The following ASNSD1 variants were observed in gnomAD, a reference collection of about 807,000 sequenced individuals.
ASNSD1 encodes asparagine synthetase domain-containing protein 1.
A neutral mutation model predicts 48.3 loss-of-function variants in ASNSD1; 36 were observed. The ratio of observed to expected loss-of-function variants is 0.75; its 90% CI spans 0.57 to 0.99. The LOEUF is 0.99. Among genes scored for constraint, ASNSD1 ranks in the 50% least tolerant of loss-of-function variants. The probability of loss-of-function intolerance (pLI) is 0.00; values close to 1 mark genes in which losing one functional copy is unlikely to be tolerated. For missense variants in ASNSD1, 714 were observed against 758.2 expected (o/e 0.94, Z 0.69); for synonymous variants, 257 against 262.1 (o/e 0.98, Z 0.19).
Position 189,663,896 on chromosome 2 carries a change from A to G in ASNSD1, c.-222-5A>G, listed in dbSNP as rs759880225. Reference sequence around the variant, plus strand: ...GACTTAAGGAGTTTTTCTTTATTTCAATAGATTAAAGAACAAAAAATTGTG... The same window carrying G: ...GACTTAAGGAGTTTTTCTTTATTTCGATAGATTAAAGAACAAAAAATTGTG... On this transcript the variant is annotated splice_polypyrimidine_tract_variant and splice_region_variant and intron_variant, in intron 1 of 5. Transcript: ENST00000260952. The G allele has an allele frequency of 2.6e-6, 1 of 387,366 alleles. No individual in the cohort carries two copies. The highest frequency in any genetic ancestry group is 1.3e-4 in the South Asian group (1 of 7,718). The allele number at this position is 387,366 out of a possible 1,614,324, so 24.0% of individuals were successfully genotyped here.
At chr2:189,668,510 A>T (rs1168301680) in intron 5 of ASNSD1, among the ~76,000 whole-genome samples, 2 of 4,466 alleles carry the variant, frequency 4.5e-4, no homozygotes, top group East Asian at 0.042. Context: ...CTCTGTTTCC[A>T]CAAAAAAACA....
rs1277085447 is a variant in ASNSD1 at position 189,670,432 on chromosome 2, C to T, written c.1647-9C>T. 6.3e-7 allele frequency: 1 copy of T among 1,597,778 alleles called. No individual in the cohort carries two copies. The highest frequency in any genetic ancestry group is 1.1e-5 in the South Asian group (1 of 89,636). The stretch of plus-strand genomic sequence containing the variant: ...TTTACATAGTGGTTATATTATCTGT[C>T]TATTTTAGATTTCCTTTCCTGGATG... On this transcript the variant is annotated splice_polypyrimidine_tract_variant and intron_variant, in intron 5 of 5. Transcript: ENST00000260952.
At chr2:189,665,604 A>G (rs1305448402) in intron 3 of ASNSD1, among the ~76,000 whole-genome samples, 153 bp downstream of exon 3, 1,850 of 8,094 alleles carry the variant, frequency 0.23, 108 homozygotes, top group Non-Finnish European at 0.37. Flanking sequence ...ATGTGTATAT[A>G]TATATATATA....
chr2:189,665,590 ATATATGTG>A (rs1311856003), intron 3 of ASNSD1, 139 bp downstream of exon 3: 24 of 13,790 alleles, frequency 1.7e-3, no homozygotes, highest in African/African-American at 4.1e-3. Context: ...ACAGTTATAT[ATATATGTG>A]TATATATATA....
chr2:189,667,393 C>T lies in ASNSD1; in HGVS notation c.1261C>T (p.Pro421Ser), dbSNP rs769718329. The T allele has an allele frequency of 1.2e-6, 2 of 1,614,166 alleles. No homozygotes were observed. Among genetic ancestry groups the T allele is most frequent in the Non-Finnish European group, 1.7e-6 (2 of 1,180,020 alleles). The change falls in exon 4 of 6, where the codon CCT becomes TCT. Residue 421 changes from proline (P) to serine (S), a missense_variant. Pro to Ser is a moderately conservative substitution (Grantham distance 74, BLOSUM62 -1). Transcript: ENST00000260952. ...AGLKELQAVS[P>S]SRIWNFVEIN... ...ACTAAAGGAACTACAAGCTGTTAGC[C>T]CTTCCCGAATTTGGAATTTTGTTGA... is the stretch of plus-strand genomic sequence containing the variant.
rs1488531537 is a variant in ASNSD1, at chr2:189,667,841, G to T, written c.1542G>T (p.Gly514=). ...ATCGTGTCCGCTTTCAGTCGCATGG[G>T]CTGGAAGGATTGAATAAGGAAATAA... is the stretch of plus-strand genomic sequence containing the variant. ...SRHRVRFQSH[G]LEGLNKEIMM... is the part of the protein sequence containing the mutation. Residue 514 remains glycine (G), a synonymous_variant, in exon 5 of 6, where the codon GGG becomes GGT. Coordinates refer to ENST00000260952, the MANE Select transcript of ASNSD1 (RefSeq NM_019048.4). 2 of 1,614,094 alleles carry T rather than the reference G, an allele frequency of 1.2e-6. No homozygotes were observed. The highest frequency in any genetic ancestry group is 1.7e-6 in the Non-Finnish European group (2 of 1,180,006).
chr2:189,665,747 T>G (rs979502171), intron 3 of ASNSD1, among the ~76,000 whole-genome samples: 1 of 151,304 alleles, frequency 6.6e-6, no homozygotes, highest in African/African-American at 2.4e-5. Context: ...TTTGTGACTT[T>G]GGGTGAAATA....
rs1191379693 is a variant in ASNSD1, at chr2:189,663,934, T to C, written c.-189T>C. 2.6e-6 allele frequency: 1 copy of C among 388,546 alleles called. No homozygotes were observed. The highest frequency in any genetic ancestry group is 4.6e-6 in the Non-Finnish European group (1 of 218,846). The allele number at this position is 388,546 out of a possible 1,614,324, so 24.1% of individuals were successfully genotyped here. ...ACAAAAAATTGTGGTGGATGAACTT[T>C]CTAACCTTAAGAAGAATAGGGTGAG... On this transcript the variant is annotated 5_prime_UTR_variant, in exon 2 of 6. Transcript: ENST00000260952.
In ASNSD1 at chr2:189,666,753, T is replaced by C. The variant is rs564425055; in HGVS notation, c.621T>C (p.Ile207=). 6.2e-7 allele frequency: 1 copy of C among 1,613,582 alleles called. No individual in the cohort carries two copies. Among genetic ancestry groups the C allele is most frequent in the Admixed American group, 1.7e-5 (1 of 60,032 alleles). Reference sequence around the variant, plus strand: ...GGAAATATATTTCTAGGGAGAATATTATTGAAGAAAATGTTAATAGCCTGA... The same window carrying C: ...GGAAATATATTTCTAGGGAGAATATCATTGAAGAAAATGTTAATAGCCTGA... ...YPWKYISREN[I]IEENVNSLSQ... Residue 207 remains isoleucine, a synonymous_variant, in exon 4 of 6, where the codon ATT becomes ATC. Transcript: ENST00000260952.
rs2032666427 is a variant in ASNSD1 at position 189,661,618 on chromosome 2, TGAGACGC to T, written c.-223+11_-223+17del. The T allele has an allele frequency of 2.5e-6, 1 of 399,130 alleles. No homozygotes were observed. Among genetic ancestry groups the T allele is most frequent in the Non-Finnish European group, 4.4e-6 (1 of 226,278 alleles). 24.7% of individuals were successfully genotyped at this position (399,130 alleles called of 1,614,324 possible). Reference sequence around the variant, plus strand: ...GAGGATCTAAGCAGCAAGGTGAGTGTGAGACGCGACGAAAAGGCTCCTGGACTCGGGA... The same window carrying T: ...GAGGATCTAAGCAGCAAGGTGAGTGTGACGAAAAGGCTCCTGGACTCGGGA... On this transcript the variant is annotated intron_variant, in intron 1 of 5. Transcript: ENST00000260952.
At position 189,667,236 on chromosome 2, in the gene ASNSD1, C is replaced by T. The variant is rs767908739; in HGVS notation, c.1104C>T (p.Asn368=). 18 of 1,613,896 alleles carry T rather than the reference C, an allele frequency of 1.1e-5. No homozygotes were observed. The highest frequency in any genetic ancestry group is 3.3e-5 in the Admixed American group (2 of 59,986). Residue 368 remains asparagine (N), a synonymous_variant, in exon 4 of 6, where the codon AAC becomes AAT. Coordinates refer to ENST00000260952, the MANE Select transcript of ASNSD1 (RefSeq NM_019048.4). ...AAAAGACCATGCCAACTACCTTTAA[C>T]AGAGAAGGGAATAAACAGAAAAATA... The part of the protein sequence containing the change: ...AEEKTMPTTF[N]REGNKQKNKC...
chr2:189,668,033 G>T, intron 5 of ASNSD1, 88 bp downstream of exon 5: 1 of 1,279,570 alleles, frequency 7.8e-7, no homozygotes, highest in Non-Finnish European at 1.1e-6. Context: ...TTTCTCTTTG[G>T]AGACTGTTCA....
intron 5 of ASNSD1, among the ~76,000 whole-genome samples, 155 bp from the exon 6 acceptor site, chr2:189,670,286 T>C (rs187660448): frequency 6.6e-6 from 1 of 152,244 alleles, no homozygotes; most frequent in Admixed American, 6.5e-5. Flanking sequence ...ATAAACCTAA[T>C]TTATTTATTG....
At chr2:189,667,717 C>G (rs1212000555) in intron 4 of ASNSD1, 47 bp from the exon 5 acceptor site, 1 of 1,555,148 alleles carries the variant, frequency 6.4e-7, no homozygotes, top group East Asian at 2.2e-5. Context: ...ATTTTCTTTA[C>G]TGTGTAGTTG....
In ASNSD1 at chr2:189,661,513, C is replaced by T; in HGVS notation, c.-320C>T. The T allele has an allele frequency of 1.0e-5, 4 of 399,218 alleles. No homozygotes were observed. The highest frequency in any genetic ancestry group is 1.8e-5 in the Non-Finnish European group (4 of 226,210). The allele number at this position is 399,218 out of a possible 1,614,324, so 24.7% of individuals were successfully genotyped here. ...TGAGCCATCCCGCGTGTCTTGCGCT[C>T]GGTGGAAATGCCCAGCCGAGGGACG... is the stretch of plus-strand genomic sequence containing the variant. On this transcript the variant is annotated 5_prime_UTR_variant, in exon 1 of 6. Transcript: ENST00000260952.
In ASNSD1 at chr2:189,666,316, A is replaced by G; in HGVS notation, c.184A>G (p.Thr62Ala). 6.2e-7 allele frequency: 1 copy of G among 1,613,956 alleles called. No individual in the cohort carries two copies. The highest frequency in any genetic ancestry group is 8.5e-7 in the Non-Finnish European group (1 of 1,179,926). The change falls in exon 4 of 6, where the codon ACC becomes GCC. Residue 62 changes from threonine (T) to alanine (A), a missense_variant. Physicochemically the swap from Thr to Ala is moderately conservative, Grantham distance 58. Transcript: ENST00000260952. ...HVLHLRGVLTTQPVEDERGNV... is the reference protein window; with the variant it reads ...HVLHLRGVLTAQPVEDERGNV... ...CCTACACTTGAGGGGTGTTTTGACT[A>G]CCCAGCCTGTGGAAGATGAAAGAGG... is the stretch of plus-strand genomic sequence containing the variant.
At chr2:189,664,958 T>C (rs1380171973) in intron 2 of ASNSD1, among the ~76,000 whole-genome samples, 1 of 152,206 alleles carries the variant, frequency 6.6e-6, no homozygotes, top group African/African-American at 2.4e-5. Context: ...AAAGAGATGG[T>C]AACACCTTAA....
At position 189,670,628 on chromosome 2, in the gene ASNSD1, A is replaced by G. The variant is rs748832585; in HGVS notation, c.1834A>G (p.Lys612Glu). The G allele has an allele frequency of 6.2e-7, 1 of 1,614,036 alleles. No homozygotes were observed. The highest frequency in any genetic ancestry group is 1.1e-5 in the South Asian group (1 of 91,052). The change falls in exon 6 of 6, where the codon AAA becomes GAA. Residue 612 changes from lysine (K) to glutamate (E), a missense_variant. By Grantham distance (56) the Lys-to-Glu change is moderately conservative (BLOSUM62 1). Coordinates refer to ENST00000260952, the MANE Select transcript of ASNSD1 (RefSeq NM_019048.4). ...CATGCAGTTTGGATCAAGAATTGCA[A>G]AAATGGAAAAAATTAATGAAAAGGC... The part of the protein sequence containing the change: ...RAMQFGSRIA[K>E]MEKINEKASD...
chr2:189,661,923 A>G (rs1303885090), intron 1 of ASNSD1, among the ~76,000 whole-genome samples: 1 of 152,176 alleles, frequency 6.6e-6, no homozygotes, highest in Non-Finnish European at 1.5e-5. Context: ...AATCTGTTCC[A>G]TCAAAGATAT....
Sources: allele counts gnomAD v4.1 joint callset (sites outside exome capture counted in the v4.1 genomes callset), GRCh38; gene constraint gnomAD v4.1.1; transcripts MANE v1.5; gene names NCBI Gene and HGNC (gene_info 2026-07-23, HGNC 2026-07-21).